Variants in LRFN2 observed in about 807,000 individuals in gnomAD.
The protein encoded by LRFN2 is leucine rich repeat and fibronectin type III domain containing 2.
LRFN2 carries 18 observed loss-of-function variants against 37.3 expected under a neutral mutation model. That is an observed-to-expected ratio of 0.48 (90% CI 0.33 to 0.72). The LOEUF is 0.72. Ranked by LOEUF, LRFN2 falls within the 30% of genes least tolerant of loss-of-function variation. The pLI is 0.02. For missense variants in LRFN2, 1,006 were observed against 1,060.7 expected, an observed-to-expected ratio of 0.95 and a Z score of 0.72; for synonymous variants, 556 against 466.6, an observed-to-expected ratio of 1.19 and a Z score of -2.47.
At chr6:40,462,099 G>C (rs180928620) in intron 1 of LRFN2, among the ~76,000 whole-genome samples, 1 of 152,296 alleles carries the variant, frequency 6.6e-6, no homozygotes, top group East Asian at 1.9e-4. Context: ...TGACAGAGCA[G>C]TAATTACTGC....
chr6:40,573,589 T>G (rs968567071), intron 1 of LRFN2, among the ~76,000 whole-genome samples: 1 of 152,198 alleles, frequency 6.6e-6, no homozygotes, highest in Non-Finnish European at 1.5e-5. Context: ...CAGAAACAAC[T>G]GGATTCAAAT....
At chr6:40,520,235 A>T (rs928409980) in intron 1 of LRFN2, among the ~76,000 whole-genome samples, 1 of 152,138 alleles carries the variant, frequency 6.6e-6, no homozygotes, top group Admixed American at 6.5e-5. Context: ...AGAGGAGATG[A>T]TGCTGCAGTT....
intron 1 of LRFN2, among the ~76,000 whole-genome samples, chr6:40,531,540 G>T (rs1014614995): frequency 6.6e-6 from 1 of 152,154 alleles, no homozygotes; most frequent in Admixed American, 6.5e-5. Context: ...CTGTCTCCCA[G>T]ATCCTCCCTC....
intron 1 of LRFN2, among the ~76,000 whole-genome samples, chr6:40,470,335 G>A (rs1057349799): frequency 2.6e-5 from 4 of 152,248 alleles, no homozygotes; most frequent in Admixed American, 2.0e-4. Context: ...TGTGTGGCTG[G>A]GCGCAGTGGC....
chr6:40,583,667 GCAT>G (rs1767447571), intron 1 of LRFN2, among the ~76,000 whole-genome samples: 3 of 152,144 alleles, frequency 2.0e-5, no homozygotes. Context: ...ATGACCATTA[GCAT>G]CCTGTCTCAT....
intron 1 of LRFN2, among the ~76,000 whole-genome samples, chr6:40,448,829 T>C (rs1368753): frequency 0.012 from 1,762 of 152,160 alleles, 30 homozygotes; most frequent in African/African-American, 0.04. Context: ...GAGCTGGAGA[T>C]TGAATGGAGG....
At chr6:40,474,376 CCT>C (rs1418188074) in intron 1 of LRFN2, among the ~76,000 whole-genome samples, 2 of 152,178 alleles carry the variant, frequency 1.3e-5, no homozygotes, top group African/African-American at 4.8e-5. Flanking sequence ...TCAGTCTCTG[CCT>C]CTGTCTTTAC....
intron 2 of LRFN2, among the ~76,000 whole-genome samples, chr6:40,402,050 C>T (rs1249345003): frequency 1.3e-5 from 2 of 152,322 alleles, no homozygotes; most frequent in Non-Finnish European, 2.9e-5. Flanking sequence ...CCAAGCAGCC[C>T]TTACTCCCAG....
intron 1 of LRFN2, among the ~76,000 whole-genome samples, chr6:40,445,337 C>T (rs1331200031): frequency 6.6e-6 from 1 of 152,150 alleles, no homozygotes; most frequent in Admixed American, 6.5e-5. Context: ...TGACAAAAGG[C>T]AGAGTTGGAA....
At chr6:40,550,802 T>C (rs1766762683) in intron 1 of LRFN2, among the ~76,000 whole-genome samples, 1 of 152,142 alleles carries the variant, frequency 6.6e-6, no homozygotes, top group South Asian at 2.1e-4. Context: ...CTGGAGAGGA[T>C]GAAGAGGACT....
intron 1 of LRFN2, among the ~76,000 whole-genome samples, chr6:40,485,521 A>G (rs953524834): frequency 6.6e-6 from 1 of 152,206 alleles, no homozygotes; most frequent in African/African-American, 2.4e-5. Flanking sequence ...TCCCCTGGAC[A>G]GAGATAAATC....
intron 1 of LRFN2, among the ~76,000 whole-genome samples, chr6:40,511,994 A>T (rs893388427): frequency 3.9e-5 from 6 of 152,230 alleles, no homozygotes; most frequent in African/African-American, 1.4e-4. Context: ...TTTTGCAAAG[A>T]TGAGCAAAGC....
intron 1 of LRFN2, among the ~76,000 whole-genome samples, chr6:40,466,792 T>TCCTAAGCCCAA (rs1466528825): frequency 1.3e-5 from 2 of 152,198 alleles, no homozygotes; most frequent in East Asian, 3.9e-4. Flanking sequence ...TTCATAAGTA[T>TCCTAAGCCCAA]GTTGAAATCC....
chr6:40,436,327 G>A (rs1228493850), intron 1 of LRFN2, among the ~76,000 whole-genome samples: 1 of 152,132 alleles, frequency 6.6e-6, no homozygotes, highest in African/African-American at 2.4e-5. Flanking sequence ...AATTTTATTA[G>A]AACACAGCCA....
At chr6:40,484,790 C>A (rs908152467) in intron 1 of LRFN2, among the ~76,000 whole-genome samples, 3 of 152,210 alleles carry the variant, frequency 2.0e-5, no homozygotes, top group Non-Finnish European at 4.4e-5. Flanking sequence ...CAGAGGAATG[C>A]AGTCCTTGTA....
chr6:40,435,014 C>CATATATATATATATAT (rs368583078), intron 1 of LRFN2, among the ~76,000 whole-genome samples: 1 of 47,996 alleles, frequency 2.1e-5, no homozygotes, highest in African/African-American at 6.5e-5. Flanking sequence ...AATGGTTTTA[C>CATATATATATATATAT]ATATATATAT....
At chr6:40,485,635 G>A (rs1764939605) in intron 1 of LRFN2, among the ~76,000 whole-genome samples, 2 of 152,140 alleles carry the variant, frequency 1.3e-5, no homozygotes, top group South Asian at 2.1e-4. Flanking sequence ...GTGCCCCCGA[G>A]GTCTTGAACA....
At chr6:40,571,791 G>A (rs1767192147) in intron 1 of LRFN2, among the ~76,000 whole-genome samples, 1 of 152,194 alleles carries the variant, frequency 6.6e-6, no homozygotes, top group Non-Finnish European at 1.5e-5. Context: ...AGGGGGAAGA[G>A]CCTTTGAGGG....
intron 2 of LRFN2, among the ~76,000 whole-genome samples, chr6:40,421,886 A>G (rs60452483): frequency 0.02 from 3,056 of 152,292 alleles, 103 homozygotes; most frequent in African/African-American, 0.069. Context: ...CTTTATGAAG[A>G]TGTTCTTCTT....
Sources: gnomAD v4.1 joint callset for allele counts (sites outside exome capture counted in the v4.1 genomes callset) on GRCh38, gnomAD v4.1.1 for gene constraint, MANE v1.5 for transcripts, NCBI Gene and HGNC (gene_info 2026-07-23, HGNC 2026-07-21) for gene names.